Variants in RIBC2 observed in about 807,000 individuals in gnomAD.
RIBC2 encodes RIB43A domain with coiled-coils 2.
RIBC2 carries 40 observed loss-of-function variants against 44.3 expected under a neutral mutation model. The ratio of observed to expected loss-of-function variants is 0.90; its 90% CI spans 0.70 to 1.18. The LOEUF is 1.18. Among genes scored for constraint, RIBC2 ranks in the 50% most tolerant of loss-of-function variants. The pLI is 0.00. For synonymous variants in RIBC2, 171 were observed against 175.0 expected, an observed-to-expected ratio of 0.98 and a Z score of 0.18; for missense variants, 459 against 485.5, an observed-to-expected ratio of 0.95 and a Z score of 0.51.
chr22:45,424,759 T>A (rs1031976697), intron 4 of RIBC2, among the ~76,000 whole-genome samples: 6 of 149,096 alleles, frequency 4.0e-5, no homozygotes, highest in African/African-American at 1.5e-4. Context: ...TTTTCTTTTT[T>A]TTTTTTTTTT....
At chr22:45,422,931 A>G (rs182900207) in intron 4 of RIBC2, among the ~76,000 whole-genome samples, 55 of 150,986 alleles carry the variant, frequency 3.6e-4, no homozygotes, top group Admixed American at 1.1e-3. Context: ...CTCCCCTCCA[A>G]CCTGATGCTG....
At chr22:45,425,533 T>C (rs896177922) in intron 4 of RIBC2, among the ~76,000 whole-genome samples, 13 of 152,318 alleles carry the variant, frequency 8.5e-5, no homozygotes, top group African/African-American at 3.1e-4. Flanking sequence ...ACAGTGCATT[T>C]TCTACCACTG....
At chr22:45,415,776 C>T (rs935694737) in intron 2 of RIBC2, among the ~76,000 whole-genome samples, 4 of 152,024 alleles carry the variant, frequency 2.6e-5, no homozygotes, top group East Asian at 1.9e-4. Flanking sequence ...CTCAGCTCAC[C>T]GCAACCTCCG....
chr22:45,422,272 C>T lies in RIBC2; in HGVS notation c.557-18C>T. 1 of 1,594,816 alleles carries T rather than the reference C, an allele frequency of 6.3e-7. No homozygotes were observed. Among genetic ancestry groups the T allele is most frequent in the Non-Finnish European group, 8.6e-7 (1 of 1,162,374 alleles). On this transcript the variant is annotated intron_variant, in intron 3 of 6. Transcript: ENST00000614167. The stretch of plus-strand genomic sequence containing the variant: ...TCCTGTGGCCAGGTCGATCTGATTG[C>T]TTCTTGCCTCCTTTCAGAGGCCCTC...
intron 1 of RIBC2, 111 bp from the exon 2 acceptor site, chr22:45,414,211 C>G (rs906586621): frequency 4.0e-6 from 6 of 1,484,872 alleles, no homozygotes; most frequent in African/African-American, 2.8e-5. Flanking sequence ...GCCAGATTTT[C>G]TACAACTCGT....
At position 45,425,982 on chromosome 22, in the gene RIBC2, A is replaced by C. The variant is rs985311816; in HGVS notation, c.710A>C (p.Lys237Thr). Residue 237 changes from lysine (K) to threonine (T), a missense_variant, in exon 5 of 7, where the codon AAA (lysine) becomes ACA (threonine). Transcript: ENST00000614167. ...IESVERKKQEKKQEQEDNLAE... is the reference protein window; with the variant it reads ...IESVERKKQETKQEQEDNLAE... ...TCAGTGGAAAGGAAAAAGCAAGAGA[A>C]AAAGCAAGAACAAGAGGACAACTTG... is the stretch of plus-strand genomic sequence containing the variant. 1.9e-6 allele frequency: 3 copies of C among 1,613,928 alleles called. No individual in the cohort carries two copies. The highest frequency in any genetic ancestry group is 2.5e-6 in the Non-Finnish European group (3 of 1,180,016).
At chr22:45,416,571 C>T (rs2087427012) in intron 2 of RIBC2, among the ~76,000 whole-genome samples, 1 of 151,846 alleles carries the variant, frequency 6.6e-6, no homozygotes, top group Non-Finnish European at 1.5e-5. Context: ...AAGCGATTCT[C>T]CTGCCTCAGC....
Position 45,417,630 on chromosome 22 carries a change from CAT to C in RIBC2, c.241_242del (p.Met81ValfsTer11). The C allele has an allele frequency of 6.2e-7, 1 of 1,613,118 alleles. No homozygotes were observed. Among genetic ancestry groups the C allele is most frequent in the Non-Finnish European group, 8.5e-7 (1 of 1,179,212 alleles). On this transcript the variant is annotated frameshift_variant, in exon 3 of 7. Transcript: ENST00000614167. LOFTEE classifies it high-confidence loss of function. ...AAEMRQNDKIMCILENRKKRD... is the reference protein window; with the variant it reads ...AAEMRQNDKIXCILENRKKRD... ...CTGAAATGAGGCAAAATGACAAAAT[CAT>C]GTGCATATTGGAAAACCGGAAAAAG...
At chr22:45,427,513 G>GA (rs1412749262) in intron 5 of RIBC2, among the ~76,000 whole-genome samples, 5 of 152,240 alleles carry the variant, frequency 3.3e-5, no homozygotes, top group Non-Finnish European at 7.3e-5. Flanking sequence ...TGGTTACTGG[G>GA]AGACAAGTAG....
rs375100577 is a variant in RIBC2, at chr22:45,417,923, C to T, written c.533C>T (p.Ala178Val). 1.2e-6 allele frequency: 2 copies of T among 1,605,898 alleles called. No homozygotes were observed. The highest frequency in any genetic ancestry group is 1.7e-6 in the Non-Finnish European group (2 of 1,175,600). The stretch of plus-strand genomic sequence containing the variant: ...CAGCAGCAAAGGGAATGGAAGAACG[C>T]CCGTGCTGAACAAAAATGCGCAGGT... ...SLQQQREWKNARAEQKCAEAL... is the reference protein window; with the variant it reads ...SLQQQREWKNVRAEQKCAEAL... Residue 178 changes from alanine to valine, a missense_variant, in exon 3 of 7, where the codon GCC (alanine) becomes GTC (valine). Transcript: ENST00000614167.
chr22:45,417,956 CAG>C lies in RIBC2; in HGVS notation c.556+12_556+13del. On this transcript the variant is annotated intron_variant, in intron 3 of 6. Transcript: ENST00000614167. ...GAACAAAAATGCGCAGGTAATGAAA[CAG>C]AAGAGACGAGCTGGTCTCAACGCTC... The C allele has an allele frequency of 6.4e-7, 1 of 1,563,932 alleles. No homozygotes were observed. The highest frequency in any genetic ancestry group is 8.7e-7 in the Non-Finnish European group (1 of 1,152,974).
At position 45,426,651 on chromosome 22, in the gene RIBC2, G is replaced by A. The variant is rs529891824; in HGVS notation, c.903+476G>A. Among the ~76,000 whole-genome samples the A allele has an allele frequency of 7.9e-5, 12 of 152,332 alleles. 1 individual carries two copies. In the South Asian group the frequency reaches 2.5e-3, roughly 32 times the overall value. On this transcript the variant is annotated intron_variant, in intron 5 of 6. Transcript: ENST00000614167. ...GGACTTTGGCTTCTTCTGTGACGGAGACGGGGAACTCTGCAGGGTTTTGGA... is the reference window on the plus strand; with the variant it reads ...GGACTTTGGCTTCTTCTGTGACGGAAACGGGGAACTCTGCAGGGTTTTGGA...
rs545951286 is a variant in RIBC2, at chr22:45,422,300, C to T, written c.567C>T (p.Tyr189=). The change falls in exon 4 of 7, where the codon TAC becomes TAT. Residue 189 remains tyrosine, a synonymous_variant. Transcript: ENST00000614167. ...RAEQKCAEAL[Y]TETRLQFDET... ...CTTGCCTCCTTTCAGAGGCCCTCTA[C>T]ACAGAGACAAGGCTGCAGTTTGACG... The T allele has an allele frequency of 3.7e-5, 59 of 1,613,956 alleles. 1 individual carries two copies. The South Asian group carries it at 5.4e-4, about 15-fold the overall frequency.
chr22:45,414,528 T>G (rs886236204), intron 2 of RIBC2, 125 bp downstream of exon 2: 7 of 576,546 alleles, frequency 1.2e-5, no homozygotes, highest in East Asian at 6.8e-5. Context: ...TTAATAGAGA[T>G]AGGGTCTCAC....
At chr22:45,414,093 G>A in intron 1 of RIBC2, 78 bp downstream of exon 1, 1 of 1,513,678 alleles carries the variant, frequency 6.6e-7, no homozygotes, top group Non-Finnish European at 8.9e-7. Context: ...AAGGAGATGA[G>A]TTCTAGGATG....
chr22:45,424,375 G>C (rs965487045), intron 4 of RIBC2, among the ~76,000 whole-genome samples: 1 of 101,634 alleles, frequency 9.8e-6, no homozygotes, highest in African/African-American at 6.6e-5. Context: ...GCAGGCTCTG[G>C]AGCCCGACCA....
rs2087533032 is a variant in RIBC2, at chr22:45,426,163, C to G, written c.891C>G (p.Ile297Met). The change falls in exon 5 of 7, where the codon ATC becomes ATG. Residue 297 changes from isoleucine to methionine, a missense_variant. Transcript: ENST00000614167. ...TCCGCCTAGTCCAGAAGCAGCAAATCCAGGAGAAGCTGGTGACTGCCCCGC... is the reference window on the plus strand; with the variant it reads ...TCCGCCTAGTCCAGAAGCAGCAAATGCAGGAGAAGCTGGTGACTGCCCCGC... ...EQIRLVQKQQ[I>M]QEKLRLQEEK... The G allele has an allele frequency of 1.2e-6, 2 of 1,613,340 alleles. No individual in the cohort carries two copies. The highest frequency in any genetic ancestry group is 1.7e-6 in the Non-Finnish European group (2 of 1,179,862).
chr22:45,421,867 C>G (rs1467732952), intron 3 of RIBC2, among the ~76,000 whole-genome samples: 2 of 152,038 alleles, frequency 1.3e-5, no homozygotes, highest in Non-Finnish European at 2.9e-5. Flanking sequence ...TCATCTGGCC[C>G]CACTTCCTCC....
At chr22:45,423,728 G>A (rs1221984886) in intron 4 of RIBC2, among the ~76,000 whole-genome samples, 1 of 152,128 alleles carries the variant, frequency 6.6e-6, no homozygotes, top group Non-Finnish European at 1.5e-5. Flanking sequence ...AAAAGGCAAA[G>A]CAAGACACCT....
Sources: gnomAD v4.1 joint callset for allele counts (sites outside exome capture counted in the v4.1 genomes callset) on GRCh38, gnomAD v4.1.1 for gene constraint, MANE v1.5 for transcripts, NCBI Gene and HGNC (gene_info 2026-07-23, HGNC 2026-07-21) for gene names.